Variants in TTLL7 observed in about 807,000 individuals in gnomAD.
The protein encoded by TTLL7 is tubulin tyrosine ligase like 7, also known as tubulin polyglutamylase TTLL7.
Under a neutral mutation model 120.2 loss-of-function variants are expected in TTLL7, and 53 were observed. That is an observed-to-expected ratio of 0.44 (90% CI 0.35 to 0.55). TTLL7 has a LOEUF of 0.55. Ranked by LOEUF, TTLL7 falls within the 20% of genes least tolerant of loss-of-function variation. The probability of loss-of-function intolerance (pLI) is 0.00; values close to 1 mark genes in which losing one functional copy is unlikely to be tolerated. For missense variants in TTLL7, 803 were observed against 1,054.7 expected (o/e 0.76, Z 3.31); for synonymous variants, 353 against 351.7 (o/e 1.00, Z -0.04).
At chr1:83,872,072 T>C (rs1203082427) in intron 20 of TTLL7, among the ~76,000 whole-genome samples, 1 of 152,108 alleles carries the variant, frequency 6.6e-6, no homozygotes, top group Non-Finnish European at 1.5e-5. Flanking sequence ...GTTATATGAA[T>C]TATGTAGAAA....
Position 83,906,404 on chromosome 1 carries a change from G to C in TTLL7, c.2052C>G (p.Thr684=). 6.2e-7 allele frequency: 1 copy of C among 1,612,316 alleles called. No individual in the cohort carries two copies. The highest frequency in any genetic ancestry group is 8.5e-7 in the Non-Finnish European group (1 of 1,179,026). Residue 684 remains threonine (T), a synonymous_variant, in exon 17 of 21, where the codon ACC becomes ACG. Coordinates refer to ENST00000260505, the MANE Select transcript of TTLL7 (RefSeq NM_024686.6). The part of the protein sequence containing the change: ...KEQEDDLTSQ[T]LFVLKDMKIR... ...TCTTCATGTCTTTGAGAACAAATAA[G>C]GTCTGACTTGTTAGATCATCTTCTT...
chr1:83,962,795 G>A lies in TTLL7; in HGVS notation c.-176-10408C>T, dbSNP rs569046173. On this transcript the variant is annotated intron_variant, in intron 1 of 20. Coordinates refer to ENST00000260505, the MANE Select transcript of TTLL7 (RefSeq NM_024686.6). Reference sequence around the variant, plus strand: ...CTTCCTTCCAACCTGGAATGCAAACGTGATGGCAGGAGTTGTAGCAATCCA... The same window carrying A: ...CTTCCTTCCAACCTGGAATGCAAACATGATGGCAGGAGTTGTAGCAATCCA... 5.9e-5 allele frequency among the ~76,000 whole-genome samples: 9 copies of A among 152,180 alleles called. No individual in the cohort carries two copies. In the South Asian group the frequency reaches 8.3e-4, roughly 14 times the overall value.
Position 83,943,358 on chromosome 1 carries a change from A to T in TTLL7, c.507-679T>A, listed in dbSNP as rs1648164897. Among the ~76,000 whole-genome samples the T allele has an allele frequency of 2.6e-5, 4 of 152,148 alleles. No homozygotes were observed. In the South Asian group the frequency reaches 6.2e-4, roughly 24 times the overall value. ...GCCCAAGGTTAGAAGCATGCTCAAG[A>T]AAGACCCGAGAAGGCCCTAAGCTGT... On this transcript the variant is annotated intron_variant, in intron 6 of 20. Coordinates refer to ENST00000260505, the MANE Select transcript of TTLL7 (RefSeq NM_024686.6).
intron 15 of TTLL7, among the ~76,000 whole-genome samples, chr1:83,910,632 G>C (rs182140053): frequency 4.1e-4 from 62 of 152,174 alleles, no homozygotes; most frequent in African/African-American, 1.5e-3. Flanking sequence ...CTCCTAAGTA[G>C]TTCCTATGCA....
intron 14 of TTLL7, among the ~76,000 whole-genome samples, chr1:83,914,323 C>CTT (rs1171299360): frequency 0.16 from 12,904 of 78,298 alleles, 2,418 homozygotes; most frequent in Non-Finnish European, 0.21. Context: ...CTCTCTCTCT[C>CTT]TTTTTTTTTT....
intron 19 of TTLL7, chr1:83,887,049 A>C (rs1655032051): frequency 5.8e-6 from 1 of 171,648 alleles, no homozygotes; most frequent in African/African-American, 2.4e-5. Context: ...GTAGAGGAAA[A>C]GAGAGGAACA....
At chr1:83,912,336 T>TG (rs1362989793) in intron 14 of TTLL7, 1 of 152,132 alleles carries the variant, frequency 6.6e-6, no homozygotes, top group African/African-American at 2.4e-5. Context: ...GCTGAAGGAA[T>TG]GGAAGGAAAG....
At position 83,911,378 on chromosome 1, in the gene TTLL7, A is replaced by T; in HGVS notation, c.1588-15T>A. ...GAACACAGAGGCTAAAAAAGATGGAAATGTGTTATTTTGTTAGAATTCTTA... is the reference window on the plus strand; with the variant it reads ...GAACACAGAGGCTAAAAAAGATGGATATGTGTTATTTTGTTAGAATTCTTA... On this transcript the variant is annotated splice_polypyrimidine_tract_variant and intron_variant, in intron 14 of 20. Coordinates refer to ENST00000260505, the MANE Select transcript of TTLL7 (RefSeq NM_024686.6). The T allele has an allele frequency of 6.3e-7, 1 of 1,581,702 alleles. No individual in the cohort carries two copies. Among genetic ancestry groups the T allele is most frequent in the Non-Finnish European group, 8.6e-7 (1 of 1,162,462 alleles).
Position 83,906,420 on chromosome 1 carries a change from T to A in TTLL7, c.2036A>T (p.Asp679Val). 1 of 1,612,368 alleles carries A rather than the reference T, an allele frequency of 6.2e-7. No homozygotes were observed. Among genetic ancestry groups the A allele is most frequent in the Non-Finnish European group, 8.5e-7 (1 of 1,179,006 alleles). The change falls in exon 17 of 21, where the codon GAT (aspartate) becomes GTT (valine). Residue 679 changes from aspartate to valine, a missense_variant. Around this residue, in one of 3 missense-constraint regions of TTLL7, gnomAD observed 388 missense variants for 450.4 expected, o/e 0.86. Coordinates refer to ENST00000260505, the MANE Select transcript of TTLL7 (RefSeq NM_024686.6). ...AACAAATAAGGTCTGACTTGTTAGA[T>A]CATCTTCTTGTTCTTTTGTTTTCAG... ...RQLKTKEQED[D>V]LTSQTLFVLK...
chr1:83,984,475 A>G (rs541091645), intron 1 of TTLL7, among the ~76,000 whole-genome samples: 1 of 152,372 alleles, frequency 6.6e-6, no homozygotes, highest in South Asian at 2.1e-4. Context: ...CACTTGTATA[A>G]TATGTTCACT....
chr1:83,960,713 T>C (rs1649939619), intron 1 of TTLL7, among the ~76,000 whole-genome samples: 1 of 151,980 alleles, frequency 6.6e-6, no homozygotes, highest in Non-Finnish European at 1.5e-5. Context: ...AACACAAAGG[T>C]CCCTTCCAAA....
intron 18 of TTLL7, among the ~76,000 whole-genome samples, chr1:83,900,392 G>A (rs1407404811): frequency 6.6e-6 from 1 of 152,026 alleles, no homozygotes; most frequent in Admixed American, 6.6e-5. Context: ...TCATAAGATA[G>A]CTGAATACAA....
intron 5 of TTLL7, among the ~76,000 whole-genome samples, chr1:83,948,421 A>G (rs1648722642): frequency 6.6e-6 from 1 of 152,126 alleles, no homozygotes; most frequent in Non-Finnish European, 1.5e-5. Flanking sequence ...CTTGTGCAAG[A>G]TATTCATTTC....
At chr1:83,906,720 G>T (rs1412209642) in intron 16 of TTLL7, among the ~76,000 whole-genome samples, 1 of 151,824 alleles carries the variant, frequency 6.6e-6, no homozygotes, top group Non-Finnish European at 1.5e-5. Flanking sequence ...TACTTAAAAA[G>T]GACTTCCTGG....
chr1:83,989,975 C>A (rs1652830641), intron 1 of TTLL7, among the ~76,000 whole-genome samples: 1 of 151,940 alleles, frequency 6.6e-6, no homozygotes, highest in Admixed American at 6.6e-5. Flanking sequence ...GGATTGCATT[C>A]TTGATTTGGC....
rs145483438 is a variant in TTLL7 at position 83,905,826 on chromosome 1, CAT to C, written c.2127+501_2127+502del. On this transcript the variant is annotated intron_variant, in intron 17 of 20. Coordinates refer to ENST00000260505, the MANE Select transcript of TTLL7 (RefSeq NM_024686.6). ...TTAGAATGTTCCACTGGGTGGTGCA[CAT>C]GTGTGTGTAACAAGAAAAACACACA... 7.8e-3 allele frequency among the ~76,000 whole-genome samples: 1,185 copies of C among 151,998 alleles called. 23 individuals are homozygous for C. Among genetic ancestry groups the C allele is most frequent in the African/African-American group, 0.027 (1,125 of 41,480 alleles).
chr1:83,890,046 T>C (rs1242810572), intron 19 of TTLL7: 1 of 479,618 alleles, frequency 2.1e-6, no homozygotes, highest in Non-Finnish European at 4.1e-6. Flanking sequence ...AGAAGGCGAC[T>C]GCAGAAGAAC....
At position 83,868,773 on chromosome 1, in the gene TTLL7, A is replaced by G. The variant is rs1193770686; in HGVS notation, c.*1189T>C. The G allele has an allele frequency of 6.6e-6, 1 of 152,158 alleles. No homozygotes were observed. Among genetic ancestry groups the G allele is most frequent in the Non-Finnish European group, 1.5e-5 (1 of 68,022 alleles). The allele number at this position is 152,158 out of a possible 1,614,324, so 9.4% of individuals were successfully genotyped here. A position where few individuals can be genotyped will look rare whatever the true frequency, so the allele number is the denominator to read the frequency against. Reference sequence around the variant, plus strand: ...ACCACATGTTAAACCCATCAAAGATATACTTTCCAAATAAAAATGAGTGGT... The same window carrying G: ...ACCACATGTTAAACCCATCAAAGATGTACTTTCCAAATAAAAATGAGTGGT... On this transcript the variant is annotated 3_prime_UTR_variant, in exon 21 of 21. Coordinates refer to ENST00000260505, the MANE Select transcript of TTLL7 (RefSeq NM_024686.6).
At chr1:83,939,978 A>C (rs757828717) in intron 7 of TTLL7, among the ~76,000 whole-genome samples, 3 of 152,070 alleles carry the variant, frequency 2.0e-5, no homozygotes, top group Non-Finnish European at 4.4e-5. Flanking sequence ...TCTGTATTTC[A>C]CTTTTTAATA....
Sources: allele counts gnomAD v4.1 joint callset (sites outside exome capture counted in the v4.1 genomes callset), GRCh38; gene constraint gnomAD v4.1.1; regional missense constraint gnomAD v4.1.1; transcripts MANE v1.5; gene names NCBI Gene and HGNC (gene_info 2026-07-23, HGNC 2026-07-21).